The following EPHA6 variants were observed in gnomAD, a reference collection of about 807,000 sequenced individuals.
EPHA6 encodes the protein ephrin type-A receptor 6.
Under a neutral mutation model 112.0 loss-of-function variants are expected in EPHA6, and 50 were observed. The observed-to-expected ratio is 0.45, with a 90% CI of 0.36 to 0.56. EPHA6 has a LOEUF of 0.56. Among genes scored for constraint, EPHA6 ranks in the 20% least tolerant of loss-of-function variants. The pLI is 0.00. For synonymous variants in EPHA6, 529 were observed against 490.7 expected (o/e 1.08, Z -1.03); for missense variants, 1,280 against 1,417.4 (o/e 0.90, Z 1.56).
At chr3:96,866,914 G>C in intron 2 of EPHA6, 25 bp downstream of exon 2, 1 of 1,370,128 alleles carries the variant, frequency 7.3e-7, no homozygotes, top group Non-Finnish European at 9.7e-7. Flanking sequence ...CTGAAAAATT[G>C]CTGTCTTTTT....
At chr3:96,935,761 A>G (rs942194473) in intron 2 of EPHA6, among the ~76,000 whole-genome samples, 9 of 147,858 alleles carry the variant, frequency 6.1e-5, no homozygotes, top group East Asian at 2.0e-4. Context: ...CATTATATAT[A>G]TGTGTGTGTG....
intron 15 of EPHA6, among the ~76,000 whole-genome samples, chr3:97,734,656 C>A (rs1223230489): frequency 6.6e-6 from 1 of 151,968 alleles, no homozygotes; most frequent in African/African-American, 2.4e-5. Flanking sequence ...ATGTGTTAGT[C>A]ATGTCCAATA....
At chr3:97,326,813 A>G (rs2082450081) in intron 5 of EPHA6, among the ~76,000 whole-genome samples, 1 of 152,112 alleles carries the variant, frequency 6.6e-6, no homozygotes, top group Non-Finnish European at 1.5e-5. Context: ...ATTTCTAAGA[A>G]GTATGATTTG....
intron 3 of EPHA6, among the ~76,000 whole-genome samples, chr3:97,147,880 A>C (rs2108367736): frequency 6.6e-6 from 1 of 152,234 alleles, no homozygotes; most frequent in Non-Finnish European, 1.5e-5. Flanking sequence ...GTGAAATGCA[A>C]ATAAAGTTTA....
At chr3:97,545,103 C>T (rs2092926050) in intron 11 of EPHA6, among the ~76,000 whole-genome samples, 1 of 152,100 alleles carries the variant, frequency 6.6e-6, no homozygotes, top group Non-Finnish European at 1.5e-5. Flanking sequence ...TTGCCTTCTG[C>T]TAGCTTTTGA....
chr3:97,169,022 T>G (rs143446456), intron 3 of EPHA6, among the ~76,000 whole-genome samples: 19 of 152,222 alleles, frequency 1.2e-4, no homozygotes, highest in African/African-American at 4.3e-4. Context: ...ACTTGTAGAG[T>G]GGCATCTTAC....
chr3:96,822,451 T>G (rs2033334557), intron 1 of EPHA6, among the ~76,000 whole-genome samples: 1 of 151,852 alleles, frequency 6.6e-6, no homozygotes, highest in Non-Finnish European at 1.5e-5. Context: ...CTCCAGCTTT[T>G]GGCCTATTTG....
rs192491137 is a variant in EPHA6 at position 97,555,052 on chromosome 3, G to A, written c.2386+22509G>A. On this transcript the variant is annotated intron_variant, in intron 11 of 17. Coordinates refer to ENST00000389672, the MANE Select transcript of EPHA6 (RefSeq NM_001080448.3). The stretch of plus-strand genomic sequence containing the variant: ...CCATTAACTCGTCATTTAGCATTAG[G>A]TATATCTCCTAATGGAATCCCTCCC... Among the ~76,000 whole-genome samples the A allele has an allele frequency of 5.9e-4, 90 of 151,962 alleles. 3 individuals carry two copies. In the East Asian group the frequency reaches 0.017, roughly 28 times the overall value.
intron 14 of EPHA6, among the ~76,000 whole-genome samples, chr3:97,644,815 GA>G (rs1560224706): frequency 2.0e-5 from 3 of 151,784 alleles, no homozygotes. Context: ...CAACCAAAAA[GA>G]GTCCAGGACC....
At chr3:97,674,455 C>G (rs1221009659) in intron 14 of EPHA6, among the ~76,000 whole-genome samples, 1 of 152,088 alleles carries the variant, frequency 6.6e-6, no homozygotes, top group East Asian at 1.9e-4. Context: ...GACAATTTAC[C>G]TAATTGTTTT....
intron 2 of EPHA6, among the ~76,000 whole-genome samples, chr3:96,873,026 C>T (rs2036724907): frequency 6.6e-6 from 1 of 151,752 alleles, no homozygotes. Flanking sequence ...AATTATGATT[C>T]TCAGGCCGAG....
rs1396195207 is a variant in EPHA6 at position 97,084,105 on chromosome 3, T to C, written c.1114+96112T>C. On this transcript the variant is annotated intron_variant, in intron 3 of 17. Transcript: ENST00000389672. ...GTGTGTGTGTGTGTGTGCATGGATA[T>C]ATATATATATATATATATGGATATA... Among the ~76,000 whole-genome samples the C allele has an allele frequency of 5.8e-5, 4 of 68,984 alleles. No individual in the cohort carries two copies. In the African/African-American group the frequency reaches 6.1e-4, roughly 10 times the overall value. The allele number at this position is 68,984 out of a possible 152,430, so 45.3% of individuals were successfully genotyped here. A position where few individuals can be genotyped will look rare whatever the true frequency, so the allele number is the denominator to read the frequency against.
chr3:97,024,359 A>T (rs549563552), intron 3 of EPHA6, among the ~76,000 whole-genome samples: 38 of 152,294 alleles, frequency 2.5e-4, no homozygotes, highest in Admixed American at 1.8e-3. Context: ...CTGTGATTTC[A>T]TGTAAAGAAC....
At position 97,667,346 on chromosome 3, in the gene EPHA6, G is replaced by A. The variant is rs371832713; in HGVS notation, c.2784+29264G>A. The stretch of plus-strand genomic sequence containing the variant: ...TACCCAGATTAAATCTGTTACTTTT[G>A]TTGAAAATGTGACATTATAGAATAA... On this transcript the variant is annotated intron_variant, in intron 14 of 17. Coordinates refer to ENST00000389672, the MANE Select transcript of EPHA6 (RefSeq NM_001080448.3). Among the ~76,000 whole-genome samples, 14 of 152,242 alleles carry A rather than the reference G, an allele frequency of 9.2e-5. No homozygotes were observed. The South Asian group carries it at 2.7e-3, about 29-fold the overall frequency.
intron 3 of EPHA6, among the ~76,000 whole-genome samples, chr3:97,218,939 T>C (rs1417246819): frequency 2.0e-5 from 3 of 151,842 alleles, no homozygotes; most frequent in African/African-American, 7.3e-5. Flanking sequence ...ATGGGAGAAA[T>C]TGACCAGAAC....
At chr3:97,021,184 G>A (rs1451504140) in intron 3 of EPHA6, among the ~76,000 whole-genome samples, 1 of 152,088 alleles carries the variant, frequency 6.6e-6, no homozygotes, top group Non-Finnish European at 1.5e-5. Flanking sequence ...GTTAAACTTG[G>A]ACTGTATAGC....
intron 5 of EPHA6, 60 bp downstream of exon 5, chr3:97,244,347 C>T (rs751464703): frequency 9.3e-6 from 13 of 1,398,238 alleles, no homozygotes; most frequent in Non-Finnish European, 1.2e-5. Flanking sequence ...GCATAAATAT[C>T]CCTCATGGGC....
At chr3:97,454,328 C>T (rs2090614978) in intron 7 of EPHA6, among the ~76,000 whole-genome samples, 1 of 151,530 alleles carries the variant, frequency 6.6e-6, no homozygotes. Context: ...GTGTTTTACA[C>T]ATAGTTAGGT....
chr3:97,334,625 G>A (rs990484040), intron 5 of EPHA6, among the ~76,000 whole-genome samples: 1 of 151,780 alleles, frequency 6.6e-6, no homozygotes, highest in Admixed American at 6.6e-5. Flanking sequence ...GACTACAGGT[G>A]TGTGTCACCA....
Sources: gnomAD v4.1 joint callset for allele counts (sites outside exome capture counted in the v4.1 genomes callset) on GRCh38, gnomAD v4.1.1 for gene constraint, MANE v1.5 for transcripts, NCBI Gene and HGNC (gene_info 2026-07-23, HGNC 2026-07-21) for gene names.